MAGI1: variants seen among roughly 807,000 people sequenced by gnomAD.
The protein encoded by MAGI1 is membrane-associated guanylate kinase, WW and PDZ domain-containing protein 1.
In MAGI1, 58 loss-of-function variants were observed where a neutral mutation model predicts 139.9. The observed-to-expected ratio is 0.41, with a 90% CI of 0.34 to 0.52. The LOEUF (loss-of-function observed/expected upper bound fraction) is 0.52, where lower values mean the gene tolerates loss of function less well. Among genes scored for constraint, MAGI1 ranks in the 20% least tolerant of loss-of-function variants. MAGI1 has a pLI of 0.12. For synonymous variants in MAGI1, 812 were observed against 737.9 expected (o/e 1.10, Z -1.63); for missense variants, 1,874 against 1,901.6 (o/e 0.99, Z 0.27).
intron 1 of MAGI1, chr3:65,924,956 T>C (rs1416977729): frequency 6.6e-6 from 1 of 152,304 alleles, no homozygotes; most frequent in East Asian, 1.9e-4. Flanking sequence ...TGAAAACAAA[T>C]AAGTCTGTTG....
At chr3:65,416,960 T>C (rs901201695) in intron 12 of MAGI1, among the ~76,000 whole-genome samples, 2 of 152,176 alleles carry the variant, frequency 1.3e-5, no homozygotes, top group African/African-American at 2.4e-5. Context: ...TGGCAAATAC[T>C]TCCCTCCAGA....
Position 65,622,026 on chromosome 3 carries a change from CAGG to C in MAGI1, c.373_375del (p.Pro125del). On this transcript the variant is annotated inframe_deletion, in exon 2 of 23. Transcript: ENST00000402939. Reference sequence around the variant, plus strand: ...CTTATGGTCTGCTGGAGCTCATGATCAGGAGACCCCTTCTGGAATCGCTGATTG... The same window carrying C: ...CTTATGGTCTGCTGGAGCTCATGATCAGACCCCTTCTGGAATCGCTGATTG... 1 of 1,613,978 alleles carries C rather than the reference CAGG, an allele frequency of 6.2e-7. No individual in the cohort carries two copies. Among genetic ancestry groups the C allele is most frequent in the Non-Finnish European group, 8.5e-7 (1 of 1,179,974 alleles).
At chr3:65,957,520 C>CAAAAAAAAAAAA (rs761240940) in intron 1 of MAGI1, among the ~76,000 whole-genome samples, 22 of 30,924 alleles carry the variant, frequency 7.1e-4, no homozygotes, top group South Asian at 1.5e-3. Flanking sequence ...GACTTCATCT[C>CAAAAAAAAAAAA]AAAAAAAAAA....
At chr3:65,386,760 C>T (rs1575580575) in intron 14 of MAGI1, among the ~76,000 whole-genome samples, 2 of 152,300 alleles carry the variant, frequency 1.3e-5, no homozygotes, top group East Asian at 1.9e-4. Flanking sequence ...GTCCAATTTT[C>T]ATTTGTAAGC....
intron 1 of MAGI1, among the ~76,000 whole-genome samples, chr3:65,681,868 G>GT (rs2087613871): frequency 1.3e-5 from 2 of 151,880 alleles, no homozygotes; most frequent in African/African-American, 4.8e-5. Flanking sequence ...TTTTTTTGTT[G>GT]TTTTTTTATT....
chr3:65,466,453 G>A (rs1950180534), intron 5 of MAGI1, among the ~76,000 whole-genome samples: 1 of 152,166 alleles, frequency 6.6e-6, no homozygotes, highest in Non-Finnish European at 1.5e-5. Context: ...GTTGACACCG[G>A]AGAGGGGAAT....
chr3:65,645,146 A>T (rs1363761293), intron 1 of MAGI1, among the ~76,000 whole-genome samples: 1 of 152,100 alleles, frequency 6.6e-6, no homozygotes, highest in Admixed American at 6.6e-5. Context: ...ACATTTACTT[A>T]AAGAAATAAT....
chr3:65,379,652 CGT>C, intron 16 of MAGI1, 98 bp from the exon 17 acceptor site: 1 of 1,526,056 alleles, frequency 6.6e-7, no homozygotes, highest in Non-Finnish European at 8.8e-7. Context: ...GAAATCAAAA[CGT>C]GAACCGAGGG....
At chr3:65,835,935 T>C (rs1010836971) in intron 1 of MAGI1, among the ~76,000 whole-genome samples, 1 of 152,140 alleles carries the variant, frequency 6.6e-6, no homozygotes, top group African/African-American at 2.4e-5. Flanking sequence ...ATTATAAAAA[T>C]TGGTATGGTA....
intron 1 of MAGI1, among the ~76,000 whole-genome samples, chr3:65,947,008 CA>C (rs1478909131): frequency 6.6e-6 from 1 of 152,146 alleles, no homozygotes; most frequent in Non-Finnish European, 1.5e-5. Flanking sequence ...GAATTAATTT[CA>C]ATTTACAGCT....
chr3:66,007,653 C>G (rs2067096119), intron 1 of MAGI1, among the ~76,000 whole-genome samples: 1 of 152,126 alleles, frequency 6.6e-6, no homozygotes. Context: ...CATTTCAGGA[C>G]CATTTATCAA....
intron 1 of MAGI1, among the ~76,000 whole-genome samples, chr3:65,749,158 G>C (rs72908232): frequency 6.6e-6 from 1 of 152,264 alleles, no homozygotes; most frequent in African/African-American, 2.4e-5. Context: ...TAAGATGCAA[G>C]GCACTCAGTG....
chr3:65,702,479 T>C (rs948129885), intron 1 of MAGI1, among the ~76,000 whole-genome samples: 40 of 152,252 alleles, frequency 2.6e-4, no homozygotes, highest in African/African-American at 8.7e-4. Flanking sequence ...TTACAATATA[T>C]ATGCAGAATC....
chr3:65,430,627 A>G, intron 11 of MAGI1, 72 bp downstream of exon 11: 4 of 1,507,854 alleles, frequency 2.7e-6, no homozygotes, highest in Non-Finnish European at 2.7e-6. Flanking sequence ...AAACAACATC[A>G]TGATTGCACA....
intron 1 of MAGI1, among the ~76,000 whole-genome samples, chr3:65,865,366 C>T (rs573535595): frequency 6.0e-4 from 91 of 152,188 alleles, no homozygotes; most frequent in Admixed American, 2.7e-3. Context: ...TTAGGGAGGA[C>T]GAGGCAATCG....
At chr3:65,835,756 C>T (rs1398961173) in intron 1 of MAGI1, among the ~76,000 whole-genome samples, 1 of 152,166 alleles carries the variant, frequency 6.6e-6, no homozygotes. Flanking sequence ...ACACTATTTA[C>T]AGACCATTAT....
rs972025184 is a variant in MAGI1 at position 65,505,845 on chromosome 3, A to C, written c.431-12214T>G. Among the ~76,000 whole-genome samples, 5 of 152,160 alleles carry C rather than the reference A, an allele frequency of 3.3e-5. 1 individual carries two copies. In the East Asian group the frequency reaches 9.6e-4, roughly 29 times the overall value. On this transcript the variant is annotated intron_variant, in intron 2 of 22. Coordinates refer to ENST00000402939, the MANE Select transcript of MAGI1 (RefSeq NM_001033057.2). ...GTGTATCAATAAAGTTGTTAAAAAA[A>C]CTCTTACACTGCAGAGATGTAAAGA...
At chr3:65,937,693 G>T (rs1475533955) in intron 1 of MAGI1, among the ~76,000 whole-genome samples, 3 of 151,874 alleles carry the variant, frequency 2.0e-5, no homozygotes, top group Non-Finnish European at 4.4e-5. Flanking sequence ...GTTTTTTGGG[G>T]TTTTTTTAGT....
At chr3:65,770,061 T>C (rs1300617544) in intron 1 of MAGI1, among the ~76,000 whole-genome samples, 1 of 152,192 alleles carries the variant, frequency 6.6e-6, no homozygotes, top group Non-Finnish European at 1.5e-5. Flanking sequence ...ACTGCTCTCA[T>C]GAACCTTATT....
Sources: gnomAD v4.1 joint callset for allele counts (sites outside exome capture counted in the v4.1 genomes callset) on GRCh38, gnomAD v4.1.1 for gene constraint, MANE v1.5 for transcripts, NCBI Gene and HGNC (gene_info 2026-07-23, HGNC 2026-07-21) for gene names.